The following TSHZ2 variants were observed in gnomAD, a reference collection of about 807,000 sequenced individuals.
TSHZ2 encodes teashirt homolog 2.
TSHZ2 carries 21 observed loss-of-function variants against 74.4 expected under a neutral mutation model. That is an observed-to-expected ratio of 0.28 (90% confidence interval 0.20 to 0.41). The LOEUF is 0.41. Among genes scored for constraint, TSHZ2 ranks in the 10% least tolerant of loss-of-function variants. TSHZ2 has a pLI of 1.00. For synonymous variants in TSHZ2, 540 were observed against 515.3 expected (o/e 1.05, Z -0.65); for missense variants, 1,244 against 1,293.5 (o/e 0.96, Z 0.59).
chr20:53,232,509 C>T (rs1373311394), intron 1 of TSHZ2, among the ~76,000 whole-genome samples: 2 of 152,176 alleles, frequency 1.3e-5, no homozygotes, highest in African/African-American at 4.8e-5. Context: ...CTCTATTAGA[C>T]ATTTCTGCAG....
chr20:53,366,573 C>G (rs904664054), intron 2 of TSHZ2, among the ~76,000 whole-genome samples: 6 of 152,166 alleles, frequency 3.9e-5, no homozygotes, highest in Non-Finnish European at 8.8e-5. Context: ...CAAGTCTGTT[C>G]TCTTCGCCCA....
intron 1 of TSHZ2, among the ~76,000 whole-genome samples, chr20:53,125,090 T>C (rs865951167): frequency 1.3e-5 from 2 of 152,234 alleles, no homozygotes; most frequent in African/African-American, 2.4e-5. Context: ...CAACCTCTTT[T>C]GGAATGCGAT....
chr20:53,141,754 C>T (rs567880031), intron 1 of TSHZ2, among the ~76,000 whole-genome samples: 2 of 152,346 alleles, frequency 1.3e-5, no homozygotes, highest in South Asian at 4.1e-4. Flanking sequence ...TGGGTGACCT[C>T]GCTGTGCCTT....
At chr20:53,120,358 A>C (rs975393335) in intron 1 of TSHZ2, among the ~76,000 whole-genome samples, 2 of 152,224 alleles carry the variant, frequency 1.3e-5, no homozygotes, top group Non-Finnish European at 2.9e-5. Flanking sequence ...AAGATTTCAA[A>C]AGTTGAACTG....
intron 2 of TSHZ2, among the ~76,000 whole-genome samples, chr20:53,304,826 T>C (rs912727808): frequency 2.0e-5 from 3 of 152,082 alleles, no homozygotes; most frequent in African/African-American, 7.2e-5. Context: ...GAGACGGGGT[T>C]TCGCCATGTT....
At chr20:53,061,533 T>G (rs931115618) in intron 1 of TSHZ2, among the ~76,000 whole-genome samples, 1 of 152,246 alleles carries the variant, frequency 6.6e-6, no homozygotes, top group Non-Finnish European at 1.5e-5. Context: ...CAGCAGGTTA[T>G]GAAGATGCTG....
In TSHZ2 at chr20:53,074,538, A is replaced by G. The variant is rs1040626475; in HGVS notation, c.40+101205A>G. Among the ~76,000 whole-genome samples the G allele has an allele frequency of 6.6e-6, 1 of 152,238 alleles. No homozygotes were observed. Among genetic ancestry groups the G allele is most frequent in the African/African-American group, 2.4e-5 (1 of 41,458 alleles). On this transcript the variant is annotated intron_variant, in intron 1 of 2. Coordinates refer to ENST00000371497, the MANE Select transcript of TSHZ2 (RefSeq NM_173485.6). The surrounding 1 kb of genome is among the most constrained non-coding windows in gnomAD (Gnocchi z 5.9). ...AAGCTTATGATTGTTGGAAAGTTCA[A>G]GTATACACAGACTAAACAGCTGGAC...
intron 2 of TSHZ2, among the ~76,000 whole-genome samples, chr20:53,352,785 AAAAAAAAAAG>A (rs1314446977): frequency 7.1e-6 from 1 of 140,662 alleles, no homozygotes; most frequent in African/African-American, 2.8e-5. Context: ...AACAAAAAAA[AAAAAAAAAAG>A]AAAGAAATAA....
chr20:53,041,643 G>A (rs535245424), intron 1 of TSHZ2, among the ~76,000 whole-genome samples: 5 of 152,280 alleles, frequency 3.3e-5, no homozygotes, highest in South Asian at 2.1e-4. Flanking sequence ...GTTAATCCTC[G>A]GAGAACCCTG....
intron 2 of TSHZ2, among the ~76,000 whole-genome samples, chr20:53,465,452 G>A (rs1291400360): frequency 6.6e-6 from 1 of 152,064 alleles, no homozygotes; most frequent in East Asian, 1.9e-4. Flanking sequence ...TGTATTTTTA[G>A]TAAAGACGAG....
At chr20:53,312,879 G>C (rs1484695814) in intron 2 of TSHZ2, among the ~76,000 whole-genome samples, 1 of 152,324 alleles carries the variant, frequency 6.6e-6, no homozygotes, top group East Asian at 1.9e-4. Context: ...TCTGAGCAAG[G>C]CTAGGAGGAG....
intron 1 of TSHZ2, among the ~76,000 whole-genome samples, chr20:53,226,427 G>GGGGTGTGTGT (rs879256692): frequency 6.7e-6 from 1 of 149,564 alleles, no homozygotes; most frequent in African/African-American, 2.5e-5. Context: ...TGTGTGGGTC[G>GGGGTGTGTGT]GTGTGTGTAT....
In TSHZ2 at chr20:53,495,112, T is replaced by C. The variant is rs924053597; in HGVS notation, c.*7977T>C. 1.6e-4 allele frequency: 25 copies of C among 152,144 alleles called. No individual in the cohort carries two copies. The highest frequency in any genetic ancestry group is 5.8e-4 in the African/African-American group (24 of 41,426). 9.4% of individuals were successfully genotyped at this position (152,144 alleles called of 1,614,324 possible). A position where few individuals can be genotyped will look rare whatever the true frequency, so the allele number is the denominator to read the frequency against. ...CTTCATTTCAGTCAACGTCGACTTCTGCTTTGGCCAATTGAAAAATGAAAA... is the reference window on the plus strand; with the variant it reads ...CTTCATTTCAGTCAACGTCGACTTCCGCTTTGGCCAATTGAAAAATGAAAA... On this transcript the variant is annotated 3_prime_UTR_variant, in exon 3 of 3. Transcript: ENST00000371497.
At chr20:53,142,666 T>C (rs1373559802) in intron 1 of TSHZ2, among the ~76,000 whole-genome samples, 1 of 152,186 alleles carries the variant, frequency 6.6e-6, no homozygotes, top group Non-Finnish European at 1.5e-5. Context: ...TTTGAAAAGT[T>C]GTTATACATT....
chr20:53,003,120 T>C (rs539684739), intron 1 of TSHZ2, among the ~76,000 whole-genome samples: 11 of 152,298 alleles, frequency 7.2e-5, no homozygotes, highest in Admixed American at 6.5e-4. Flanking sequence ...CAAAACTAAA[T>C]TCTTTTTCTA....
Position 53,254,081 on chromosome 20 carries a change from T to C in TSHZ2, c.623T>C (p.Val208Ala), listed in dbSNP as rs770310227. ...YRQSSKMCGT[V>A]FTGASRFRCR... ...CAGAGCAGCAAGATGTGCGGGACTG[T>C]GTTCACAGGGGCCAGCAGATTCCGA... Residue 208 changes from valine to alanine, a missense_variant, in exon 2 of 3, where the codon GTG (valine) becomes GCG (alanine). Physicochemically the swap from Val to Ala is moderately conservative, Grantham distance 64. This residue lies in a region of TSHZ2 where 470 missense variants were observed against 456.5 expected (regional missense o/e 1.03). Transcript: ENST00000371497. 7.4e-6 allele frequency: 12 copies of C among 1,613,946 alleles called. No homozygotes were observed. Among genetic ancestry groups the C allele is most frequent in the Non-Finnish European group, 1.0e-5 (12 of 1,180,012 alleles).
intron 1 of TSHZ2, among the ~76,000 whole-genome samples, chr20:53,130,029 T>C (rs1987059270): frequency 6.6e-6 from 1 of 151,480 alleles, no homozygotes; most frequent in Non-Finnish European, 1.5e-5. Context: ...CTAATTCCCA[T>C]AAAGGGAAGG....
At chr20:53,164,490 C>T (rs938180737) in intron 1 of TSHZ2, among the ~76,000 whole-genome samples, 3 of 151,736 alleles carry the variant, frequency 2.0e-5, no homozygotes, top group African/African-American at 7.3e-5. Flanking sequence ...TATTAATTAA[C>T]TAGAAGAAGT....
intron 1 of TSHZ2, among the ~76,000 whole-genome samples, chr20:52,990,136 A>G (rs1184507038): frequency 6.6e-6 from 1 of 152,198 alleles, no homozygotes; most frequent in African/African-American, 2.4e-5. Context: ...ATCTTCACAT[A>G]AGTAATTTAT....
Sources: gnomAD v4.1 joint callset for allele counts (sites outside exome capture counted in the v4.1 genomes callset) on GRCh38, gnomAD v4.1.1 for gene constraint, gnomAD v4.1.1 regional missense constraint, Gnocchi (gnomAD v3.1) non-coding constraint, MANE v1.5 for transcripts, NCBI Gene and HGNC (gene_info 2026-07-23, HGNC 2026-07-21) for gene names.